DNAH5: variants seen among roughly 807,000 people sequenced by gnomAD.
The protein encoded by DNAH5 is dynein axonemal heavy chain 5.
DNAH5 carries 372 observed loss-of-function variants against 518.2 expected under a neutral mutation model. The ratio of observed to expected loss-of-function variants is 0.72; its 90% CI spans 0.66 to 0.78. DNAH5 has a LOEUF of 0.78. DNAH5 is among the 30% of genes least tolerant of loss of function. The probability of loss-of-function intolerance (pLI) is 0.00; values close to 1 mark genes in which losing one functional copy is unlikely to be tolerated. For synonymous variants in DNAH5, 2,039 were observed against 2,025.9 expected (o/e 1.01, Z -0.17); for missense variants, 5,523 against 5,687.0 (o/e 0.97, Z 0.93).
At chr5:13,739,485 A>G (rs1748092539) in intron 65 of DNAH5, among the ~76,000 whole-genome samples, 1 of 152,154 alleles carries the variant, frequency 6.6e-6, no homozygotes, top group Admixed American at 6.5e-5. Flanking sequence ...CTGTGAGTCA[A>G]TTAAACCTCT....
intron 30 of DNAH5, among the ~76,000 whole-genome samples, chr5:13,851,042 T>G (rs562706625): frequency 5.9e-5 from 9 of 152,322 alleles, no homozygotes; most frequent in Non-Finnish European, 1.3e-4. Flanking sequence ...GTACTCCCAT[T>G]ATGTTAAGTT....
Position 13,900,533 on chromosome 5 carries a change from T to C in DNAH5, c.2053-121A>G. On this transcript the variant is annotated intron_variant, in intron 14 of 78. Transcript: ENST00000265104. ...CTTCCATGGATTTGAGCTTCCTAAA[T>C]TAAGGGCAATAAGATCACTCACTCT... 3.6e-6 allele frequency: 3 copies of C among 827,926 alleles called. No homozygotes were observed. The Admixed American group carries it at 6.1e-5, about 17-fold the overall frequency. 51.3% of individuals were successfully genotyped at this position (827,926 alleles called of 1,614,324 possible).
chr5:13,977,702 G>A (rs1782367402), intron 1 of DNAH5, among the ~76,000 whole-genome samples: 1 of 152,140 alleles, frequency 6.6e-6, no homozygotes, highest in Admixed American at 6.5e-5. Context: ...TCAGCATCCT[G>A]GGTCCCAGCC....
At chr5:13,695,978 G>A (rs1390570546) in intron 78 of DNAH5, among the ~76,000 whole-genome samples, 1 of 152,086 alleles carries the variant, frequency 6.6e-6, no homozygotes, top group African/African-American at 2.4e-5. Flanking sequence ...AGGTTGACAA[G>A]CTGACAGTGG....
At chr5:13,765,656 C>T (rs935458295) in intron 59 of DNAH5, among the ~76,000 whole-genome samples, 2 of 152,020 alleles carry the variant, frequency 1.3e-5, no homozygotes, top group South Asian at 2.1e-4. Context: ...TAAATTAATA[C>T]TAAAAAATTA....
chr5:14,000,125 G>T (rs776101270), intron 1 of DNAH5, among the ~76,000 whole-genome samples: 30 of 151,906 alleles, frequency 2.0e-4, no homozygotes, highest in Non-Finnish European at 4.3e-4. Flanking sequence ...GGTCTTTGCA[G>T]ATTTAACCAA....
In DNAH5 at chr5:13,823,259, T is replaced by C. The variant is rs371684526; in HGVS notation, c.6687+4A>G. 6.3e-7 allele frequency: 1 copy of C among 1,580,676 alleles called. No individual in the cohort carries two copies. Among genetic ancestry groups the C allele is most frequent in the South Asian group, 1.1e-5 (1 of 90,396 alleles). ...AGCCCTCGTTGCCCTGTGAAGCATATTACCTGTCTACTAATTGCTGCTTCC... is the reference window on the plus strand; with the variant it reads ...AGCCCTCGTTGCCCTGTGAAGCATACTACCTGTCTACTAATTGCTGCTTCC... On this transcript the variant is annotated splice_donor_region_variant and intron_variant, in intron 40 of 78. Coordinates refer to ENST00000265104, the MANE Select transcript of DNAH5 (RefSeq NM_001369.3).
In DNAH5 at chr5:13,944,547, AT is replaced by A; in HGVS notation, c.-110del. On this transcript the variant is annotated 5_prime_UTR_variant, in exon 1 of 79. In the 5' UTR this introduces an upstream ATG that the reference lacks. Coordinates refer to ENST00000265104, the MANE Select transcript of DNAH5 (RefSeq NM_001369.3). ...CTTCCAAATGGAAAGTTTTACTTCC[AT>A]TTTACTTTCACGTTTCTAATTTGCA... is the stretch of plus-strand genomic sequence containing the variant. 1 of 917,354 alleles carries A rather than the reference AT, an allele frequency of 1.1e-6. No individual in the cohort carries two copies. Among genetic ancestry groups the A allele is most frequent in the Non-Finnish European group, 1.7e-6 (1 of 573,836 alleles). The allele number at this position is 917,354 out of a possible 1,614,324, so 56.8% of individuals were successfully genotyped here.
intron 51 of DNAH5, 149 bp downstream of exon 51, chr5:13,788,567 G>T: frequency 1.4e-6 from 1 of 692,410 alleles, no homozygotes; most frequent in Non-Finnish European, 2.5e-6. Flanking sequence ...ACTCATCCTA[G>T]TTTTATTGAG....
intron 59 of DNAH5, among the ~76,000 whole-genome samples, chr5:13,765,775 A>G (rs1352743664): frequency 2.6e-5 from 4 of 152,206 alleles, no homozygotes; most frequent in African/African-American, 9.6e-5. Flanking sequence ...TATACATAAC[A>G]CTGATGATGC....
At chr5:13,984,940 A>C (rs1440609791) in intron 1 of DNAH5, among the ~76,000 whole-genome samples, 1 of 152,206 alleles carries the variant, frequency 6.6e-6, no homozygotes, top group African/African-American at 2.4e-5. Context: ...ATATACACAA[A>C]GGAATATAAA....
chr5:13,993,546 G>A lies in DNAH5; in HGVS notation c.12+18102C>T, dbSNP rs555496458. Among the ~76,000 whole-genome samples the A allele has an allele frequency of 1.2e-4, 19 of 152,156 alleles. 1 individual carries two copies. The highest frequency in any genetic ancestry group is 5.9e-5 in the Non-Finnish European group (4 of 68,028). On this transcript the variant is annotated intron_variant, in intron 1 of 78. Transcript: ENST00000681290. Reference sequence around the variant, plus strand: ...AATTTAGTCATGAAAAGATCATACGGTTAATATGTAAGTGTAATTGCCCTA... The same window carrying A: ...AATTTAGTCATGAAAAGATCATACGATTAATATGTAAGTGTAATTGCCCTA...
chr5:13,976,254 G>T (rs1490683787), intron 1 of DNAH5, among the ~76,000 whole-genome samples: 1 of 152,196 alleles, frequency 6.6e-6, no homozygotes, highest in Non-Finnish European at 1.5e-5. Context: ...CTTATCTACA[G>T]TTTCATTTTC....
chr5:13,864,334 T>A (rs1481342504), intron 28 of DNAH5, 63 bp downstream of exon 28: 2 of 1,597,526 alleles, frequency 1.3e-6, no homozygotes, highest in Non-Finnish European at 1.7e-6. Context: ...TATTCCATAA[T>A]ATAGAAATGT....
intron 12 of DNAH5, among the ~76,000 whole-genome samples, chr5:13,906,303 G>A (rs1775282912): frequency 6.6e-6 from 1 of 152,060 alleles, no homozygotes; most frequent in South Asian, 2.1e-4. Context: ...TGTAACAAAT[G>A]TACCACCCTA....
chr5:13,928,878 C>T (rs1778139100), intron 2 of DNAH5, among the ~76,000 whole-genome samples: 1 of 152,166 alleles, frequency 6.6e-6, no homozygotes, highest in Admixed American at 6.5e-5. Flanking sequence ...AACTGGAACC[C>T]TTGAGCACTA....
In DNAH5 at chr5:13,870,616, C is replaced by T. The variant is rs75164636; in HGVS notation, c.3834+151G>A. 24,968 of 762,408 alleles carry T rather than the reference C, an allele frequency of 0.033. 3,526 individuals carry two copies. The East Asian group carries it at 0.39, about 12-fold the overall frequency. 47.2% of individuals were successfully genotyped at this position (762,408 alleles called of 1,614,324 possible). On this transcript the variant is annotated intron_variant, in intron 24 of 78. Coordinates refer to ENST00000265104, the MANE Select transcript of DNAH5 (RefSeq NM_001369.3). ...GAAAACTGGCCCATGGAAGGCAATG[C>T]TATAGGGGTTCGGTATCATCAACAA...
intron 50 of DNAH5, among the ~76,000 whole-genome samples, chr5:13,790,014 C>T (rs940034293): frequency 1.3e-5 from 2 of 152,164 alleles, no homozygotes; most frequent in African/African-American, 4.8e-5. Context: ...AATATCACAT[C>T]AGTCAGAAAG....
intron 17 of DNAH5, among the ~76,000 whole-genome samples, chr5:13,887,664 C>G (rs917286038): frequency 6.6e-6 from 1 of 152,180 alleles, no homozygotes; most frequent in Non-Finnish European, 1.5e-5. Flanking sequence ...CATGTCTTCT[C>G]AAGGTCTCTT....
Sources: allele counts gnomAD v4.1 joint callset (sites outside exome capture counted in the v4.1 genomes callset), GRCh38; gene constraint gnomAD v4.1.1; transcripts MANE v1.5; gene names NCBI Gene and HGNC (gene_info 2026-07-23, HGNC 2026-07-21).